The following DGKE variants were observed in gnomAD, a reference collection of about 807,000 sequenced individuals.
DGKE encodes diacylglycerol kinase epsilon, also known as DAG kinase epsilon.
A neutral mutation model predicts 70.0 loss-of-function variants in DGKE; 53 were observed. That is an observed-to-expected ratio of 0.76 (90% confidence interval 0.61 to 0.95). The LOEUF is 0.95. DGKE is among the 40% of genes least tolerant of loss of function. The probability of loss-of-function intolerance (pLI) is 0.00; values close to 1 mark genes in which losing one functional copy is unlikely to be tolerated. For synonymous variants in DGKE, 291 were observed against 257.0 expected (o/e 1.13, Z -1.27); for missense variants, 655 against 706.9 (o/e 0.93, Z 0.83).
rs1268143568 is a variant in DGKE, at chr17:56,848,822, G to A, written c.1015G>A (p.Val339Ile). 5.0e-6 allele frequency: 8 copies of A among 1,614,054 alleles called. No homozygotes were observed. In the African/African-American group the frequency reaches 8.0e-5, roughly 16 times the overall value. ...TCCAGTTGCGCAGGTTTTGCGAAAT[G>A]TAATGGAAGCAGATGGAATTAAACT... ...EIPVAQVLRN[V>I]MEADGIKLDR... The change falls in exon 6 of 12, where the codon GTA becomes ATA. Residue 339 changes from valine to isoleucine, a missense_variant. Coordinates refer to ENST00000284061, the MANE Select transcript of DGKE (RefSeq NM_003647.3).
At chr17:56,841,051 G>A (rs1452089443) in intron 2 of DGKE, among the ~76,000 whole-genome samples, 1 of 152,032 alleles carries the variant, frequency 6.6e-6, no homozygotes, top group Non-Finnish European at 1.5e-5. Context: ...GAGTTTTTGA[G>A]ACCAGCCTGA....
chr17:56,835,395 TCCC>T, intron 2 of DGKE, 136 bp downstream of exon 2: 1 of 932,730 alleles, frequency 1.1e-6, no homozygotes, highest in South Asian at 1.7e-5. Context: ...TAAATAAACA[TCCC>T]TGAGTTTGTG....
chr17:56,858,521 T>G, intron 8 of DGKE, 73 bp from the exon 9 acceptor site: 2 of 1,245,146 alleles, frequency 1.6e-6, no homozygotes, highest in Non-Finnish European at 2.3e-6. Flanking sequence ...GGAGCTTTGA[T>G]ACAGCGTATT....
In DGKE at chr17:56,835,352, A is replaced by AT. The variant is rs1311592911; in HGVS notation, c.464+94dup. 3.1e-6 allele frequency: 4 copies of AT among 1,305,550 alleles called. No homozygotes were observed. The Admixed American group carries it at 9.8e-5, about 32-fold the overall frequency. 80.9% of individuals were successfully genotyped at this position (1,305,550 alleles called of 1,614,324 possible). A position where few individuals can be genotyped will look rare whatever the true frequency, so the allele number is the denominator to read the frequency against. Reference sequence around the variant, plus strand: ...TAGAGGCCTGCTTTAATCTCTGCTGATGACCTAAACTCATTTTGAGGAAAC... The same window carrying AT: ...TAGAGGCCTGCTTTAATCTCTGCTGATTGACCTAAACTCATTTTGAGGAAAC... On this transcript the variant is annotated intron_variant, in intron 2 of 11. Transcript: ENST00000284061.
chr17:56,843,926 A>G (rs565103623), intron 2 of DGKE, 93 bp from the exon 3 acceptor site: 3 of 1,240,994 alleles, frequency 2.4e-6, no homozygotes, highest in East Asian at 2.9e-5. Flanking sequence ...TGATAAAATT[A>G]TGTTTTATTT....
At chr17:56,835,532 G>A in intron 2 of DGKE, 1 of 471,918 alleles carries the variant, frequency 2.1e-6, no homozygotes, top group South Asian at 4.6e-5. Flanking sequence ...GTTTCTAAGT[G>A]GTGCCTGCTT....
intron 6 of DGKE, 127 bp downstream of exon 6, chr17:56,848,980 C>G: frequency 7.5e-7 from 1 of 1,332,468 alleles, no homozygotes; most frequent in Non-Finnish European, 1.0e-6. Context: ...GTTGTACCTA[C>G]ACAGATACTG....
chr17:56,843,928 G>C, intron 2 of DGKE, 91 bp from the exon 3 acceptor site: 1 of 1,259,846 alleles, frequency 7.9e-7, no homozygotes, highest in Non-Finnish European at 1.1e-6. Flanking sequence ...ATAAAATTAT[G>C]TTTTATTTTT....
chr17:56,858,071 C>CAAAAAAAAAA (rs11449627), intron 8 of DGKE, among the ~76,000 whole-genome samples: 1 of 100,484 alleles, frequency 1.0e-5, no homozygotes, highest in Non-Finnish European at 2.0e-5. Context: ...GACTCCATCT[C>CAAAAAAAAAA]AAAAAAAAAA....
At chr17:56,848,114 C>CTATATA in intron 5 of DGKE, 49 bp downstream of exon 5, 3 of 876,246 alleles carry the variant, frequency 3.4e-6, no homozygotes, top group Non-Finnish European at 2.9e-6. Flanking sequence ...GATAAATATA[C>CTATATA]TATACATATA....
chr17:56,846,051 C>T (rs1907265799), intron 4 of DGKE: 1 of 271,988 alleles, frequency 3.7e-6, no homozygotes. Context: ...TATCTTCTAG[C>T]AAGTCCTCTA....
At position 56,867,536 on chromosome 17, in the gene DGKE, G is replaced by A. The variant is rs1908574125; in HGVS notation, c.*4745G>A. The A allele has an allele frequency of 6.6e-6, 1 of 152,108 alleles. No individual in the cohort carries two copies. Among genetic ancestry groups the A allele is most frequent in the South Asian group, 2.1e-4 (1 of 4,838 alleles). The allele number at this position is 152,108 out of a possible 1,614,324, so 9.4% of individuals were successfully genotyped here. On this transcript the variant is annotated 3_prime_UTR_variant, in exon 12 of 12. Coordinates refer to ENST00000284061, the MANE Select transcript of DGKE (RefSeq NM_003647.3). ...GAGAATTGCTCGAACCCAGGCGGCA[G>A]AGCTTGCAGTGAGCGGAGATCACAT...
intron 2 of DGKE, among the ~76,000 whole-genome samples, chr17:56,843,510 T>C (rs954477322): frequency 6.6e-6 from 1 of 152,100 alleles, no homozygotes; most frequent in African/African-American, 2.4e-5. Flanking sequence ...TAAGAAATGC[T>C]GTTAGGCGGG....
rs773636431 is a variant in DGKE at position 56,861,887 on chromosome 17, G to C, written c.1381G>C (p.Gly461Arg). The C allele has an allele frequency of 1.2e-6, 2 of 1,613,030 alleles. No homozygotes were observed. Among genetic ancestry groups the C allele is most frequent in the Admixed American group, 3.4e-5 (2 of 59,494 alleles). ...GGGCGGTGGCTGCAGACTATGGGAA[G>C]GGATGGGGGACGAGACTTACCCTCT... ...YWGGGCRLWE[G>R]MGDETYPLAR... The change falls in exon 10 of 12, where the codon GGG (glycine) becomes CGG (arginine). Residue 461 changes from glycine to arginine, a missense_variant. Physicochemically the swap from Gly to Arg is moderately radical, Grantham distance 125. Transcript: ENST00000284061.
chr17:56,849,929 T>C (rs1329200516), intron 7 of DGKE, among the ~76,000 whole-genome samples: 2 of 152,080 alleles, frequency 1.3e-5, no homozygotes, highest in African/African-American at 2.4e-5. Flanking sequence ...GATTGAGGAA[T>C]CTAGACTGGG....
intron 9 of DGKE, among the ~76,000 whole-genome samples, chr17:56,859,380 A>G (rs1908148351): frequency 6.6e-6 from 1 of 152,038 alleles, no homozygotes; most frequent in South Asian, 2.1e-4. Flanking sequence ...TAGAATATTA[A>G]TGATTGCTTA....
At chr17:56,860,690 G>A (rs1438321265) in intron 9 of DGKE, among the ~76,000 whole-genome samples, 4 of 152,234 alleles carry the variant, frequency 2.6e-5, no homozygotes, top group Non-Finnish European at 5.9e-5. Flanking sequence ...TCTGGAAGAA[G>A]TGACAAGCTG....
Position 56,848,783 on chromosome 17 carries a change from T to TA in DGKE, c.977dup (p.Tyr326Ter), listed in dbSNP as rs1435139148. The TA allele has an allele frequency of 6.2e-7, 1 of 1,614,076 alleles. No individual in the cohort carries two copies. Among genetic ancestry groups the TA allele is most frequent in the Non-Finnish European group, 8.5e-7 (1 of 1,180,030 alleles). The change falls in exon 6 of 12, where the codon TAT becomes TAAT. Residue 326 changes from tyrosine to a stop codon, truncating the protein, a stop_gained and frameshift_variant. Transcript: ENST00000284061. LOFTEE classifies it high-confidence loss of function. The part of the protein sequence containing the change: ...LSNTLGWGTG[Y>*]AGEIPVAQVL... ...CAATACATTGGGTTGGGGTACAGGT[T>TA]ATGCTGGAGAAATTCCAGTTGCGCA...
intron 2 of DGKE, among the ~76,000 whole-genome samples, chr17:56,837,370 G>A (rs182705326): frequency 5.9e-5 from 9 of 152,146 alleles, no homozygotes; most frequent in South Asian, 2.1e-4. Flanking sequence ...ATGCACCTCC[G>A]TCTCTTAATT....
Sources: gnomAD v4.1 joint callset for allele counts (sites outside exome capture counted in the v4.1 genomes callset) on GRCh38, gnomAD v4.1.1 for gene constraint, MANE v1.5 for transcripts, NCBI Gene and HGNC (gene_info 2026-07-23, HGNC 2026-07-21) for gene names.